PLEKHA6: variants seen among roughly 807,000 people sequenced by gnomAD.
PLEKHA6 encodes the protein pleckstrin homology domain containing A6.
A neutral mutation model predicts 116.7 loss-of-function variants in PLEKHA6; 60 were observed. The observed-to-expected ratio is 0.51, with a 90% CI of 0.42 to 0.64. The LOEUF is 0.64. Ranked by LOEUF, PLEKHA6 falls within the 30% of genes least tolerant of loss-of-function variation. PLEKHA6 has a pLI of 0.00. For synonymous variants in PLEKHA6, 489 were observed against 556.1 expected, an observed-to-expected ratio of 0.88 and a Z score of 1.70; for missense variants, 1,338 against 1,422.7, an observed-to-expected ratio of 0.94 and a Z score of 0.96.
chr1:204,228,631 C>T lies in PLEKHA6; in HGVS notation c.2885+97G>A. ...GAGTCACCACCTCGATGTGCTCTCC[C>T]CTGGGGAGGCTCTGTGCCCCCAACG... On this transcript the variant is annotated intron_variant, in intron 20 of 22. Coordinates refer to ENST00000272203, the MANE Select transcript of PLEKHA6 (RefSeq NM_014935.5). This position sits in a 1 kb window ranked among gnomAD's most constrained non-coding sequence, Gnocchi z 4.0. 1 of 1,137,512 alleles carries T rather than the reference C, an allele frequency of 8.8e-7. No homozygotes were observed. The highest frequency in any genetic ancestry group is 1.7e-5 in the Admixed American group (1 of 57,502). 70.5% of individuals were successfully genotyped at this position (1,137,512 alleles called of 1,614,324 possible).
intron 5 of PLEKHA6, among the ~76,000 whole-genome samples, chr1:204,266,219 G>A (rs1300985425): frequency 2.0e-5 from 3 of 152,164 alleles, no homozygotes; most frequent in Non-Finnish European, 4.4e-5. Context: ...AGGCACTTGG[G>A]GTTGGACCCC....
At chr1:204,328,282 A>T (rs1672320251) in intron 1 of PLEKHA6, among the ~76,000 whole-genome samples, 1 of 151,208 alleles carries the variant, frequency 6.6e-6, no homozygotes, top group Non-Finnish European at 1.5e-5. Context: ...GGGTTTCTCT[A>T]TGTTGGCCAG....
intron 17 of PLEKHA6, among the ~76,000 whole-genome samples, chr1:204,232,113 G>C (rs1400670547): frequency 6.6e-6 from 1 of 152,164 alleles, no homozygotes; most frequent in Non-Finnish European, 1.5e-5. Flanking sequence ...TTATTATAAA[G>C]TGGCAGAAGT....
upstream of PLEKHA6, among the ~76,000 whole-genome samples, chr1:204,361,474 G>A (rs1469158036): frequency 1.3e-5 from 2 of 152,196 alleles, no homozygotes; most frequent in Non-Finnish European, 2.9e-5. Flanking sequence ...AGCTACTGAA[G>A]GGACTGTCTT....
rs545557896 is a variant in PLEKHA6 at position 204,245,711 on chromosome 1, G to A, written c.1936C>T (p.Arg646Trp). ...CTCCAGATCTCCTTTTGGATTTGCC[G>A]GTTCAGCACCTCATTCTGAAGCAGC... The part of the protein sequence containing the change: ...NLDTQNEVLN[R>W]QIQKEIWRIQ... The change falls in exon 14 of 23, where the codon CGG becomes TGG. Residue 646 changes from arginine (R) to tryptophan (W), a missense_variant. Coordinates refer to ENST00000272203, the MANE Select transcript of PLEKHA6 (RefSeq NM_014935.5). The A allele has an allele frequency of 2.3e-5, 37 of 1,612,136 alleles. No homozygotes were observed. The highest frequency in any genetic ancestry group is 8.9e-5 in the East Asian group (4 of 44,868).
intron 18 of PLEKHA6, among the ~76,000 whole-genome samples, chr1:204,229,365 T>A (rs773108018): frequency 6.6e-6 from 1 of 152,242 alleles, no homozygotes; most frequent in Admixed American, 6.5e-5. Flanking sequence ...TGTATTCTCA[T>A]TCTGTGCTAC....
intron 13 of PLEKHA6, among the ~76,000 whole-genome samples, chr1:204,246,760 T>G (rs1358844978): frequency 3.3e-5 from 5 of 152,194 alleles, no homozygotes; most frequent in Non-Finnish European, 7.3e-5. Flanking sequence ...GAAAAGCCTC[T>G]CTCCTATCTA....
intron 1 of PLEKHA6, among the ~76,000 whole-genome samples, chr1:204,312,286 A>G (rs1049590587): frequency 6.6e-6 from 1 of 152,214 alleles, no homozygotes; most frequent in African/African-American, 2.4e-5. Context: ...TTTCCATCAG[A>G]AGCATGGGAG....
chr1:204,377,871 G>T (rs1673900062), upstream of PLEKHA6: 1 of 152,332 alleles, frequency 6.6e-6, no homozygotes, highest in South Asian at 2.1e-4. Flanking sequence ...CAAGCCGGGC[G>T]GCAGGGAGCA....
rs540386489 is a variant in PLEKHA6 at position 204,336,097 on chromosome 1, A to C, written c.-95+23597T>G. 2.5e-4 allele frequency among the ~76,000 whole-genome samples: 38 copies of C among 152,202 alleles called. No homozygotes were observed. In the East Asian group the frequency reaches 7.4e-3, roughly 29 times the overall value. ...ACTCTACCCTAAGACACAGGTCCCC[A>C]ACCACACCCACTGAGCCCCCAAAAC... On this transcript the variant is annotated intron_variant, in intron 1 of 22. Coordinates refer to ENST00000272203, the MANE Select transcript of PLEKHA6 (RefSeq NM_014935.5).
chr1:204,323,635 T>C (rs1256049520), intron 1 of PLEKHA6, among the ~76,000 whole-genome samples: 2 of 152,254 alleles, frequency 1.3e-5, no homozygotes, highest in Non-Finnish European at 2.9e-5. Flanking sequence ...AAGGTTGTAC[T>C]TGTATTCCTG....
intron 1 of PLEKHA6, chr1:204,327,060 C>G: frequency 1.4e-5 from 12 of 885,216 alleles, no homozygotes; most frequent in Non-Finnish European, 1.6e-5. Flanking sequence ...TCTCCATCCC[C>G]TCCTCCTCCT....
Position 204,259,566 on chromosome 1 carries a change from C to A in PLEKHA6, c.699G>T (p.Pro233=). ...CAGCTGGGAGGCCATTGGCTTTCACCGGAGGCTCTTTCTTGACTTCTGGCC... is the reference window on the plus strand; with the variant it reads ...CAGCTGGGAGGCCATTGGCTTTCACAGGAGGCTCTTTCTTGACTTCTGGCC... ...PERPEVKKEP[P]VKANGLPAGP... Residue 233 remains proline (P), a synonymous_variant, in exon 8 of 23, where the codon CCG becomes CCT. Coordinates refer to ENST00000272203, the MANE Select transcript of PLEKHA6 (RefSeq NM_014935.5). The surrounding 1 kb of genome is among the most constrained non-coding windows in gnomAD (Gnocchi z 4.6). The A allele has an allele frequency of 6.2e-7, 1 of 1,614,066 alleles. No homozygotes were observed. Among genetic ancestry groups the A allele is most frequent in the Middle Eastern group, 1.6e-4 (1 of 6,062 alleles).
intron 1 of PLEKHA6, chr1:204,313,613 T>G: frequency 1.0e-6 from 1 of 985,012 alleles, no homozygotes; most frequent in Non-Finnish European, 1.2e-6. Flanking sequence ...GCAGTCTATA[T>G]TCCATATTAG....
chr1:204,255,689 GC>G, intron 9 of PLEKHA6: 1 of 702,916 alleles, frequency 1.4e-6, no homozygotes, highest in Non-Finnish European at 2.6e-6. Context: ...CCTACCCGGA[GC>G]CCGAGGCCCA....
At position 204,267,849 on chromosome 1, in the gene PLEKHA6, T is replaced by G. The variant is rs535625194; in HGVS notation, c.208-302A>C. Among the ~76,000 whole-genome samples the G allele has an allele frequency of 4.6e-5, 7 of 152,212 alleles. No homozygotes were observed. In the South Asian group the frequency reaches 1.5e-3, roughly 32 times the overall value. On this transcript the variant is annotated intron_variant, in intron 4 of 22. Transcript: ENST00000272203. ...AGGGATAGTGGCAAGGCCAATCTGG[T>G]GCCAATCGGTGGACCCTAGACTAGC...
rs1667833868 is a variant in PLEKHA6 at position 204,274,731 on chromosome 1, T to A, written c.-16A>T. 2.0e-6 allele frequency: 2 copies of A among 985,788 alleles called. No individual in the cohort carries two copies. The highest frequency in any genetic ancestry group is 9.4e-5 in the South Asian group (2 of 21,296). 61.1% of individuals were successfully genotyped at this position (985,788 alleles called of 1,614,324 possible). A position where few individuals can be genotyped will look rare whatever the true frequency, so the allele number is the denominator to read the frequency against. On this transcript the variant is annotated splice_region_variant and 5_prime_UTR_variant, in exon 2 of 23. Coordinates refer to ENST00000272203, the MANE Select transcript of PLEKHA6 (RefSeq NM_014935.5). ...CAGCAAGTAGGGGACACACTTACATTTTCAAGTCAAATTTTTTGTTTTCCT... is the reference window on the plus strand; with the variant it reads ...CAGCAAGTAGGGGACACACTTACATATTCAAGTCAAATTTTTTGTTTTCCT...
At chr1:204,298,530 T>G (rs1226332581) in intron 1 of PLEKHA6, among the ~76,000 whole-genome samples, 1 of 152,106 alleles carries the variant, frequency 6.6e-6, no homozygotes, top group Non-Finnish European at 1.5e-5. Flanking sequence ...GTTCCATCAG[T>G]CAGACTACCC....
At chr1:204,337,409 C>T (rs1672687102) in intron 1 of PLEKHA6, among the ~76,000 whole-genome samples, 1 of 152,168 alleles carries the variant, frequency 6.6e-6, no homozygotes. Flanking sequence ...TAGCCTACAT[C>T]CTAACTCACC....
Sources: gnomAD v4.1 joint callset for allele counts (sites outside exome capture counted in the v4.1 genomes callset) on GRCh38, gnomAD v4.1.1 for gene constraint, Gnocchi (gnomAD v3.1) non-coding constraint, MANE v1.5 for transcripts, NCBI Gene and HGNC (gene_info 2026-07-23, HGNC 2026-07-21) for gene names.